SYT1: variants seen among roughly 807,000 people sequenced by gnomAD.
SYT1 encodes synaptotagmin-1.
Under a neutral mutation model 44.8 loss-of-function variants are expected in SYT1, and 8 were observed. The ratio of observed to expected loss-of-function variants is 0.18; its 90% CI spans 0.10 to 0.32. The LOEUF is 0.32. Ranked by LOEUF, SYT1 falls within the 10% of genes least tolerant of loss-of-function variation. The probability of loss-of-function intolerance (pLI) is 1.00; values close to 1 mark genes in which losing one functional copy is unlikely to be tolerated. For missense variants in SYT1, 286 were observed against 509.3 expected, an observed-to-expected ratio of 0.56 and a Z score of 4.22; for synonymous variants, 154 against 188.8, an observed-to-expected ratio of 0.82 and a Z score of 1.51.
chr12:78,901,757 C>T (rs1054836872), intron 1 of SYT1, among the ~76,000 whole-genome samples: 1 of 152,154 alleles, frequency 6.6e-6, no homozygotes, highest in Non-Finnish European at 1.5e-5. Flanking sequence ...TTGGCCTTCA[C>T]AGTAGTCATG....
At chr12:79,112,738 T>C (rs1443719419) in intron 3 of SYT1, among the ~76,000 whole-genome samples, 1 of 152,114 alleles carries the variant, frequency 6.6e-6, no homozygotes, top group Non-Finnish European at 1.5e-5. Flanking sequence ...ATGATGAGTT[T>C]TTATACTAAA....
At chr12:79,179,223 G>GATATAGATATAGAT (rs1872215019) in intron 3 of SYT1, among the ~76,000 whole-genome samples, 2 of 18,390 alleles carry the variant, frequency 1.1e-4, no homozygotes, top group East Asian at 1.8e-3. Context: ...TAGATATATA[G>GATATAGATATAGAT]ATATAGATAT....
intron 3 of SYT1, among the ~76,000 whole-genome samples, chr12:79,075,258 T>G (rs1182256407): frequency 6.6e-6 from 1 of 152,200 alleles, no homozygotes; most frequent in African/African-American, 2.4e-5. Context: ...TTTCTCTTTT[T>G]GGTCTGTGGG....
At chr12:79,139,546 C>T (rs1869425014) in intron 3 of SYT1, among the ~76,000 whole-genome samples, 1 of 151,988 alleles carries the variant, frequency 6.6e-6, no homozygotes, top group African/African-American at 2.4e-5. Flanking sequence ...GAAAAAAATA[C>T]CCTATTAGTT....
chr12:78,976,068 T>C (rs1426609361), intron 1 of SYT1, among the ~76,000 whole-genome samples: 4 of 152,206 alleles, frequency 2.6e-5, no homozygotes, highest in East Asian at 1.9e-4. Context: ...AGAATTATTT[T>C]TGAGGACTGG....
At chr12:79,262,569 T>C (rs1017470098) in intron 4 of SYT1, among the ~76,000 whole-genome samples, 2 of 152,246 alleles carry the variant, frequency 1.3e-5, no homozygotes, top group African/African-American at 4.8e-5. Flanking sequence ...CTTGAGATTA[T>C]ACCTGAGATT....
intron 9 of SYT1, among the ~76,000 whole-genome samples, chr12:79,438,551 GC>G: frequency 6.6e-6 from 1 of 152,360 alleles, no homozygotes; most frequent in East Asian, 1.9e-4. Context: ...GCAGGTGTCT[GC>G]CCCATGAATT....
rs200045050 is a variant in SYT1, at chr12:79,145,737, GTTT to G, written c.-17-71753_-17-71751del. The stretch of plus-strand genomic sequence containing the variant: ...CAGAACCCAAGATTTAAACATAGTG[GTTT>G]TTTTTTTTTTTTGTTTGTTTGTTTG... On this transcript the variant is annotated intron_variant, in intron 3 of 10. Coordinates refer to ENST00000261205, the MANE Select transcript of SYT1 (RefSeq NM_005639.3). 7.7e-5 allele frequency among the ~76,000 whole-genome samples: 10 copies of G among 129,310 alleles called. No individual in the cohort carries two copies. In the South Asian group the frequency reaches 2.1e-3, roughly 28 times the overall value. The allele number at this position is 129,310 out of a possible 152,430, so 84.8% of individuals were successfully genotyped here.
At chr12:79,216,055 C>T (rs1256764069) in intron 3 of SYT1, among the ~76,000 whole-genome samples, 1 of 151,036 alleles carries the variant, frequency 6.6e-6, no homozygotes, top group African/African-American at 2.4e-5. Context: ...CCTCAGCCTC[C>T]CGACTATCTG....
At chr12:79,087,543 T>C (rs902732224) in intron 3 of SYT1, among the ~76,000 whole-genome samples, 4 of 152,130 alleles carry the variant, frequency 2.6e-5, no homozygotes, top group African/African-American at 9.7e-5. Context: ...ATAGGACTAG[T>C]TCCTGTCCTC....
intron 1 of SYT1, among the ~76,000 whole-genome samples, chr12:78,934,379 AC>A (rs1877936078): frequency 6.6e-6 from 1 of 151,876 alleles, no homozygotes; most frequent in African/African-American, 2.4e-5. Context: ...AACAAACAAA[AC>A]AAAACAATTA....
At chr12:79,208,055 CA>C (rs1421878448) in intron 3 of SYT1, among the ~76,000 whole-genome samples, 1 of 151,606 alleles carries the variant, frequency 6.6e-6, no homozygotes, top group Non-Finnish European at 1.5e-5. Context: ...GAGAAACTTA[CA>C]GCTGCATCTC....
At chr12:79,093,982 A>G (rs912660866) in intron 3 of SYT1, among the ~76,000 whole-genome samples, 8 of 151,642 alleles carry the variant, frequency 5.3e-5, no homozygotes, top group African/African-American at 1.4e-4. Flanking sequence ...TAATTTTACA[A>G]TGTGGATCAG....
rs1019387440 is a variant in SYT1 at position 79,449,928 on chromosome 12, G to A, written c.*804G>A. On this transcript the variant is annotated 3_prime_UTR_variant, in exon 11 of 11. Coordinates refer to ENST00000261205, the MANE Select transcript of SYT1 (RefSeq NM_005639.3). ...AGAATAACAACAAGGTGTTCCGTGT[G>A]TGTGTGTGTGTGTGTGTGTGTGTGT... is the stretch of plus-strand genomic sequence containing the variant. The A allele has an allele frequency of 8.1e-6, 1 of 123,604 alleles. No homozygotes were observed. Among genetic ancestry groups the A allele is most frequent in the Non-Finnish European group, 1.6e-5 (1 of 64,010 alleles). The allele number at this position is 123,604 out of a possible 1,614,324, so 7.7% of individuals were successfully genotyped here.
At chr12:78,907,601 A>G (rs1036368392) in intron 1 of SYT1, among the ~76,000 whole-genome samples, 4 of 152,050 alleles carry the variant, frequency 2.6e-5, no homozygotes, top group African/African-American at 9.7e-5. Flanking sequence ...CATACTTATT[A>G]GAGCATTCAA....
At chr12:78,986,516 A>G (rs947144025) in intron 2 of SYT1, among the ~76,000 whole-genome samples, 1 of 151,920 alleles carries the variant, frequency 6.6e-6, no homozygotes, top group Non-Finnish European at 1.5e-5. Context: ...AAAAATAAAT[A>G]TATTTATTAA....
rs3065428 is a variant in SYT1 at position 79,194,453 on chromosome 12, G to GTTATTATTA, written c.-17-23035_-17-23027dup. Among the ~76,000 whole-genome samples, 574 of 148,696 alleles carry GTTATTATTA rather than the reference G, an allele frequency of 3.9e-3. 8 individuals are homozygous for GTTATTATTA. The highest frequency in any genetic ancestry group is 0.013 in the African/African-American group (534 of 40,454). The stretch of plus-strand genomic sequence containing the variant: ...GTCTGAAGTGGGGCTTAATAATTTT[G>GTTATTATTA]TTATTATTATTATTATTATTATTGT... On this transcript the variant is annotated intron_variant, in intron 3 of 10. Transcript: ENST00000261205.
intron 9 of SYT1, among the ~76,000 whole-genome samples, chr12:79,427,463 G>T (rs1338884082): frequency 1.3e-5 from 2 of 152,196 alleles, no homozygotes; most frequent in African/African-American, 4.8e-5. Flanking sequence ...TGTGCCATCA[G>T]GTTCTCAGCT....
intron 3 of SYT1, among the ~76,000 whole-genome samples, chr12:79,164,632 A>C (rs1457091321): frequency 6.6e-6 from 1 of 152,010 alleles, no homozygotes; most frequent in East Asian, 1.9e-4. Context: ...TGTCTTTGGA[A>C]ATTTAATGTT....
Sources: gnomAD v4.1 joint callset for allele counts (sites outside exome capture counted in the v4.1 genomes callset) on GRCh38, gnomAD v4.1.1 for gene constraint, MANE v1.5 for transcripts, NCBI Gene and HGNC (gene_info 2026-07-23, HGNC 2026-07-21) for gene names.